KCNH8: variants seen among roughly 807,000 people sequenced by gnomAD.
The protein encoded by KCNH8 is potassium voltage-gated channel subfamily H member 8.
KCNH8 carries 70 observed loss-of-function variants against 103.6 expected under a neutral mutation model. That is an observed-to-expected ratio of 0.68 (90% confidence interval 0.56 to 0.82). KCNH8 has a LOEUF of 0.82. Among genes scored for constraint, KCNH8 ranks in the 40% least tolerant of loss-of-function variants. The pLI is 0.00. For synonymous variants in KCNH8, 498 were observed against 489.4 expected (o/e 1.02, Z -0.23); for missense variants, 1,217 against 1,329.9 (o/e 0.92, Z 1.32).
At chr3:19,458,032 A>G (rs534674632) in intron 11 of KCNH8, among the ~76,000 whole-genome samples, 4 of 152,094 alleles carry the variant, frequency 2.6e-5, no homozygotes, top group African/African-American at 9.6e-5. Context: ...CTACCTATGT[A>G]AAGCATCTCA....
intron 1 of KCNH8, among the ~76,000 whole-genome samples, chr3:19,213,487 T>C (rs1030808689): frequency 6.6e-6 from 1 of 152,162 alleles, no homozygotes; most frequent in Non-Finnish European, 1.5e-5. Flanking sequence ...TTCTGATTAA[T>C]ATCAAAAAAC....
At chr3:19,169,487 C>G (rs1355132418) in intron 1 of KCNH8, among the ~76,000 whole-genome samples, 1 of 152,112 alleles carries the variant, frequency 6.6e-6, no homozygotes, top group African/African-American at 2.4e-5. Flanking sequence ...ACCTTATGAT[C>G]TGCCCGCCTT....
At chr3:19,180,305 C>CAGACT (rs1395712805) in intron 1 of KCNH8, among the ~76,000 whole-genome samples, 1 of 136,412 alleles carries the variant, frequency 7.3e-6, no homozygotes, top group Non-Finnish European at 1.6e-5. Context: ...AGGGCCAAGA[C>CAGACT]TCTAATCAGA....
chr3:19,386,586 A>G (rs997391209), intron 5 of KCNH8, among the ~76,000 whole-genome samples: 1 of 152,116 alleles, frequency 6.6e-6, no homozygotes, highest in Non-Finnish European at 1.5e-5. Context: ...AAAAATTTAA[A>G]CTGTGTGTAT....
At chr3:19,421,592 G>T (rs181570883) in intron 7 of KCNH8, among the ~76,000 whole-genome samples, 1 of 152,038 alleles carries the variant, frequency 6.6e-6, no homozygotes, top group Non-Finnish European at 1.5e-5. Flanking sequence ...TACTACCAAA[G>T]ATTTAATTCA....
intron 5 of KCNH8, among the ~76,000 whole-genome samples, chr3:19,369,214 A>C (rs1293030438): frequency 2.0e-5 from 3 of 152,014 alleles, no homozygotes; most frequent in Non-Finnish European, 4.4e-5. Flanking sequence ...AAGAGTGTTC[A>C]GTCACTTGTA....
At chr3:19,285,370 T>A (rs898182702) in intron 3 of KCNH8, among the ~76,000 whole-genome samples, 3 of 152,128 alleles carry the variant, frequency 2.0e-5, no homozygotes, top group African/African-American at 7.2e-5. Context: ...TGTTAGTCCT[T>A]CTAGAAGCTG....
At chr3:19,420,689 T>C (rs2066937409) in intron 7 of KCNH8, among the ~76,000 whole-genome samples, 1 of 152,212 alleles carries the variant, frequency 6.6e-6, no homozygotes, top group Admixed American at 6.5e-5. Context: ...CACATGATTA[T>C]AGCACATTCT....
At chr3:19,375,971 T>C (rs1288119892) in intron 5 of KCNH8, among the ~76,000 whole-genome samples, 4 of 152,154 alleles carry the variant, frequency 2.6e-5, no homozygotes, top group Non-Finnish European at 5.9e-5. Context: ...GATCTCCAGC[T>C]GTGTGCTGGG....
intron 3 of KCNH8, among the ~76,000 whole-genome samples, chr3:19,299,245 G>A (rs1291452152): frequency 6.6e-6 from 1 of 152,042 alleles, no homozygotes. Context: ...TTTAAGTTTG[G>A]AATTCATAAT....
At chr3:19,191,947 T>C (rs1182309805) in intron 1 of KCNH8, among the ~76,000 whole-genome samples, 4 of 151,756 alleles carry the variant, frequency 2.6e-5, no homozygotes, top group Non-Finnish European at 5.9e-5. Flanking sequence ...TTTTAATCTT[T>C]CTTTTAATTT....
Position 19,275,275 on chromosome 3 carries a change from A to C in KCNH8, c.311-5923A>C, listed in dbSNP as rs116415460. Among the ~76,000 whole-genome samples, 304 of 152,150 alleles carry C rather than the reference A, an allele frequency of 2.0e-3. 1 individual carries two copies. The highest frequency in any genetic ancestry group is 6.6e-3 in the African/African-American group (274 of 41,520). On this transcript the variant is annotated intron_variant, in intron 2 of 15. Transcript: ENST00000328405. ...TATTCTACCCATCTGTTTTTAACGC[A>C]AAAAGAAGTTTAAAACACAGTGTGT...
chr3:19,463,941 CAAGAT>C (rs531791086), intron 11 of KCNH8, among the ~76,000 whole-genome samples: 98 of 152,068 alleles, frequency 6.4e-4, no homozygotes, highest in Admixed American at 1.8e-3. Context: ...GATTTATTGA[CAAGAT>C]AAGAAACAGA....
At chr3:19,189,199 A>G (rs1472759041) in intron 1 of KCNH8, among the ~76,000 whole-genome samples, 1 of 152,078 alleles carries the variant, frequency 6.6e-6, no homozygotes, top group Non-Finnish European at 1.5e-5. Context: ...AAAGCTGGCC[A>G]GCAAAAATCT....
At position 19,189,550 on chromosome 3, in the gene KCNH8, A is replaced by G. The variant is rs1351544810; in HGVS notation, c.76+40755A>G. ...AGAATTTTTAGAAGGTCATAGTATG[A>G]CTTGGTTTTCTTAGGAAAAATTTCT... On this transcript the variant is annotated intron_variant, in intron 1 of 15. Transcript: ENST00000328405. Among the ~76,000 whole-genome samples the G allele has an allele frequency of 5.9e-5, 9 of 152,108 alleles. No individual in the cohort carries two copies. In the East Asian group the frequency reaches 1.7e-3, roughly 29 times the overall value.
intron 1 of KCNH8, among the ~76,000 whole-genome samples, chr3:19,180,044 T>C (rs1469445891): frequency 4.6e-5 from 7 of 152,176 alleles, no homozygotes. Context: ...TTCTTAAATT[T>C]GTACTGATTA....
At chr3:19,248,934 A>T (rs929986784) in intron 1 of KCNH8, among the ~76,000 whole-genome samples, 1 of 152,186 alleles carries the variant, frequency 6.6e-6, no homozygotes, top group Non-Finnish European at 1.5e-5. Flanking sequence ...CTCTCTGAAG[A>T]TTCATGAAAG....
chr3:19,221,392 C>T (rs2063872399), intron 1 of KCNH8, among the ~76,000 whole-genome samples: 2 of 152,186 alleles, frequency 1.3e-5, no homozygotes, highest in African/African-American at 4.8e-5. Context: ...TAGCCAAAAA[C>T]AGATCTGTGG....
chr3:19,387,612 A>G (rs1456711548), intron 5 of KCNH8, among the ~76,000 whole-genome samples: 1 of 152,162 alleles, frequency 6.6e-6, no homozygotes, highest in Admixed American at 6.6e-5. Flanking sequence ...GGATAAACAT[A>G]CAGTCTTTGC....
Sources: allele counts gnomAD v4.1 joint callset (sites outside exome capture counted in the v4.1 genomes callset), GRCh38; gene constraint gnomAD v4.1.1; transcripts MANE v1.5; gene names NCBI Gene and HGNC (gene_info 2026-07-23, HGNC 2026-07-21).